The following TPD52 variants were observed in gnomAD, a reference collection of about 807,000 sequenced individuals.
The protein encoded by TPD52 is prostate and colon associated protein.
In TPD52, 17 loss-of-function variants were observed where a neutral mutation model predicts 31.3. That is an observed-to-expected ratio of 0.54 (90% CI 0.37 to 0.82). The LOEUF is 0.82. Ranked by LOEUF, TPD52 falls within the 40% of genes least tolerant of loss-of-function variation. TPD52 has a pLI of 0.00. For missense variants in TPD52, 212 were observed against 240.1 expected (o/e 0.88, Z 0.77); for synonymous variants, 83 against 89.6 (o/e 0.93, Z 0.42).
rs541002094 is a variant in TPD52, at chr8:80,043,074, A to C, written c.456-406T>G. 2.6e-5 allele frequency among the ~76,000 whole-genome samples: 4 copies of C among 152,326 alleles called. 1 individual carries two copies. The South Asian group carries it at 8.3e-4, about 32-fold the overall frequency. On this transcript the variant is annotated intron_variant, in intron 6 of 7. Coordinates refer to ENST00000518937, the MANE Select transcript of TPD52 (RefSeq NM_001025253.3). ...CGCTCTAAAATCCCTATTTTGATTC[A>C]CATCTTCCCTGGCAGAATTTCTACA...
intron 1 of TPD52, among the ~76,000 whole-genome samples, chr8:80,092,776 TA>T (rs34983351): frequency 0.59 from 85,648 of 145,854 alleles, 25,036 homozygotes; most frequent in East Asian, 0.71. Context: ...TACCACAATT[TA>T]AAAAAAAAAA....
downstream of TPD52, chr8:80,033,423 G>A (rs1291686044): frequency 6.5e-6 from 1 of 153,002 alleles, no homozygotes; most frequent in Non-Finnish European, 1.5e-5. Flanking sequence ...GCCTGGCTCT[G>A]CTGCTGCCTC....
intron 1 of TPD52, among the ~76,000 whole-genome samples, chr8:80,169,607 G>A (rs1248254748): frequency 7.2e-5 from 11 of 152,064 alleles, no homozygotes; most frequent in African/African-American, 1.9e-4. Context: ...AAACACAGCC[G>A]TTTAATTTAC....
At chr8:80,125,764 T>C (rs538476194) in intron 1 of TPD52, among the ~76,000 whole-genome samples, 44 of 152,308 alleles carry the variant, frequency 2.9e-4, no homozygotes, top group African/African-American at 9.1e-4. Context: ...ATAGGAAATA[T>C]GACAATTCAG....
chr8:80,052,447 T>C (rs1811467741), intron 3 of TPD52, among the ~76,000 whole-genome samples: 2 of 152,244 alleles, frequency 1.3e-5, no homozygotes, highest in African/African-American at 4.8e-5. Context: ...ACATGGTTCA[T>C]GGTAATACTG....
intron 2 of TPD52, among the ~76,000 whole-genome samples, chr8:80,057,650 A>G (rs951831987): frequency 1.3e-5 from 2 of 152,198 alleles, no homozygotes; most frequent in African/African-American, 4.8e-5. Flanking sequence ...GGGAACACTA[A>G]ACACTGGGGA....
chr8:80,040,709 G>A (rs982297423), intron 7 of TPD52, among the ~76,000 whole-genome samples: 2 of 152,184 alleles, frequency 1.3e-5, no homozygotes, highest in African/African-American at 4.8e-5. Flanking sequence ...AGATTTCAAG[G>A]AAAGGCTATA....
chr8:80,134,927 G>T (rs1809284998), intron 1 of TPD52, among the ~76,000 whole-genome samples: 1 of 152,206 alleles, frequency 6.6e-6, no homozygotes, highest in African/African-American at 2.4e-5. Flanking sequence ...CACAGCGATA[G>T]ATAACTAATG....
In TPD52 at chr8:80,064,521, A is replaced by G. The variant is rs765975051; in HGVS notation, c.92T>C (p.Leu31Pro). 6.2e-7 allele frequency: 1 copy of G among 1,614,160 alleles called. No homozygotes were observed. The highest frequency in any genetic ancestry group is 8.5e-7 in the Non-Finnish European group (1 of 1,180,010). ...VAATISATET[L>P]SEEEQEELRR... ...TAGCTCTTCCTGCTCCTCTTCCGAGAGGGTCTCTGTGGCACTGATCGTGGC... is the reference window on the plus strand; with the variant it reads ...TAGCTCTTCCTGCTCCTCTTCCGAGGGGGTCTCTGTGGCACTGATCGTGGC... The change falls in exon 2 of 8, where the codon CTC becomes CCC. Residue 31 changes from leucine (L) to proline (P), a missense_variant. Physicochemically the swap from Leu to Pro is moderately conservative, Grantham distance 98. Transcript: ENST00000518937.
intron 2 of TPD52, among the ~76,000 whole-genome samples, chr8:80,056,950 C>T (rs1485686700): frequency 6.6e-6 from 1 of 152,178 alleles, no homozygotes; most frequent in Non-Finnish European, 1.5e-5. Flanking sequence ...GGACAGATCA[C>T]TTGAGGTCAG....
At chr8:80,081,795 C>G (rs1465598947) in intron 1 of TPD52, among the ~76,000 whole-genome samples, 3 of 151,660 alleles carry the variant, frequency 2.0e-5, no homozygotes, top group Non-Finnish European at 2.9e-5. Flanking sequence ...ACTCTATTTA[C>G]AGTAGGTCTT....
chr8:80,074,409 G>A (rs912181312), intron 1 of TPD52, among the ~76,000 whole-genome samples: 3 of 152,232 alleles, frequency 2.0e-5, no homozygotes, highest in African/African-American at 7.2e-5. Flanking sequence ...TAAAATCCCA[G>A]AAGTGGGAGG....
intron 1 of TPD52, among the ~76,000 whole-genome samples, chr8:80,097,966 T>G (rs1159249124): frequency 6.6e-6 from 1 of 152,206 alleles, no homozygotes; most frequent in Non-Finnish European, 1.5e-5. Context: ...TCAAAAGTTC[T>G]AAAGCCCTTA....
At chr8:80,090,179 G>A (rs1291164423) in intron 1 of TPD52, among the ~76,000 whole-genome samples, 1 of 152,110 alleles carries the variant, frequency 6.6e-6, no homozygotes, top group African/African-American at 2.4e-5. Context: ...ATAGCTTGAG[G>A]CCTGGAGTTC....
intron 1 of TPD52, among the ~76,000 whole-genome samples, chr8:80,086,101 CTTT>C (rs762805549): frequency 8.9e-6 from 1 of 112,694 alleles, no homozygotes; most frequent in Non-Finnish European, 1.8e-5. Flanking sequence ...GGTTTTTTTG[CTTT>C]TTTTTTTTTT....
At chr8:80,044,494 T>C (rs550919654) in intron 5 of TPD52, among the ~76,000 whole-genome samples, 12 of 152,194 alleles carry the variant, frequency 7.9e-5, no homozygotes, top group Admixed American at 2.0e-4. Flanking sequence ...GGCATATAGG[T>C]GTTAAATGAG....
At chr8:80,062,207 A>T (rs1350027737) in intron 2 of TPD52, among the ~76,000 whole-genome samples, 1 of 152,264 alleles carries the variant, frequency 6.6e-6, no homozygotes, top group African/African-American at 2.4e-5. Context: ...TACTGTCAAA[A>T]GAAAAGACAT....
At chr8:80,077,104 G>A (rs1032107208) in intron 1 of TPD52, among the ~76,000 whole-genome samples, 15 of 151,972 alleles carry the variant, frequency 9.9e-5, no homozygotes, top group South Asian at 2.1e-4. Context: ...GTGAAACCCC[G>A]TCTCTACTAA....
intron 1 of TPD52, among the ~76,000 whole-genome samples, chr8:80,140,124 C>T (rs919064): frequency 0.51 from 77,366 of 151,766 alleles, 20,208 homozygotes; most frequent in East Asian, 0.78. Context: ...TCGATGCCTG[C>T]ATAAATGCTT....
Sources: gnomAD v4.1 joint callset for allele counts (sites outside exome capture counted in the v4.1 genomes callset) on GRCh38, gnomAD v4.1.1 for gene constraint, MANE v1.5 for transcripts, NCBI Gene and HGNC (gene_info 2026-07-23, HGNC 2026-07-21) for gene names.